AK5: variants seen among roughly 807,000 people sequenced by gnomAD.
AK5 encodes adenylate kinase isoenzyme 5.
A neutral mutation model predicts 69.5 loss-of-function variants in AK5; 27 were observed. The ratio of observed to expected loss-of-function variants is 0.39; its 90% CI spans 0.29 to 0.54. The LOEUF (loss-of-function observed/expected upper bound fraction) is 0.54, where lower values mean the gene tolerates loss of function less well. AK5 is among the 20% of genes least tolerant of loss of function. AK5 has a pLI of 0.71. For synonymous variants in AK5, 260 were observed against 244.4 expected (o/e 1.06, Z -0.60); for missense variants, 531 against 700.4 (o/e 0.76, Z 2.73).
At position 77,402,756 on chromosome 1, in the gene AK5, A is replaced by G. The variant is rs866421089; in HGVS notation, c.892-8225A>G. Among the ~76,000 whole-genome samples the G allele has an allele frequency of 2.5e-3, 375 of 152,020 alleles. 1 individual carries two copies. The Middle Eastern group carries it at 0.034, about 14-fold the overall frequency. On this transcript the variant is annotated intron_variant, in intron 6 of 13. Coordinates refer to ENST00000354567, the MANE Select transcript of AK5 (RefSeq NM_174858.3). ...TTGTGAATAGTGCCGCAATAAACAT[A>G]CGTGTGCATGTGTCTTTATAGCAGC...
At chr1:77,321,852 TG>T (rs1257267012) in intron 5 of AK5, among the ~76,000 whole-genome samples, 6 of 152,190 alleles carry the variant, frequency 3.9e-5, no homozygotes, top group African/African-American at 1.4e-4. Context: ...TTGTCTATAT[TG>T]TTGAAATACA....
chr1:77,472,935 C>T (rs1654611883), intron 8 of AK5, among the ~76,000 whole-genome samples: 1 of 152,056 alleles, frequency 6.6e-6, no homozygotes, highest in South Asian at 2.1e-4. Flanking sequence ...GACTCTGACC[C>T]TCTTGACTCT....
intron 10 of AK5, among the ~76,000 whole-genome samples, chr1:77,514,640 G>A (rs1020067124): frequency 4.6e-5 from 7 of 152,198 alleles, no homozygotes; most frequent in Non-Finnish European, 1.0e-4. Context: ...CTAAAAATTT[G>A]CAGCTGTTGC....
chr1:77,411,499 G>T (rs1014727744), intron 7 of AK5, among the ~76,000 whole-genome samples: 38 of 152,084 alleles, frequency 2.5e-4, no homozygotes, highest in African/African-American at 8.9e-4. Flanking sequence ...GCTCCTGTGT[G>T]ACCCTACCTC....
intron 8 of AK5, among the ~76,000 whole-genome samples, chr1:77,422,943 C>T (rs949576162): frequency 1.2e-4 from 19 of 152,052 alleles, no homozygotes; most frequent in Admixed American, 2.0e-4. Context: ...TGGCTGGGTG[C>T]GGTGGCTCAC....
intron 5 of AK5, among the ~76,000 whole-genome samples, chr1:77,302,584 G>A (rs575099008): frequency 1.3e-5 from 2 of 152,282 alleles, no homozygotes; most frequent in East Asian, 1.9e-4. Context: ...TTCAGGGCTA[G>A]GTGCCCTGTT....
intron 3 of AK5, among the ~76,000 whole-genome samples, chr1:77,294,548 T>C (rs2100656157): frequency 6.6e-6 from 1 of 152,282 alleles, no homozygotes; most frequent in Admixed American, 6.5e-5. Context: ...GAATCTTCTT[T>C]ATGGCAAATT....
At chr1:77,406,401 T>A (rs1418887397) in intron 6 of AK5, among the ~76,000 whole-genome samples, 1 of 151,890 alleles carries the variant, frequency 6.6e-6, no homozygotes, top group East Asian at 1.9e-4. Flanking sequence ...GTCCAAGAAA[T>A]CAAGGTGGCT....
At chr1:77,558,230 A>C (rs953427978) in intron 13 of AK5, among the ~76,000 whole-genome samples, 1 of 152,280 alleles carries the variant, frequency 6.6e-6, no homozygotes, top group East Asian at 1.9e-4. Flanking sequence ...AAGAAGTGCA[A>C]TTGCTAAAAA....
At chr1:77,524,235 C>T (rs1425451840) in intron 12 of AK5, among the ~76,000 whole-genome samples, 1 of 152,154 alleles carries the variant, frequency 6.6e-6, no homozygotes, top group Non-Finnish European at 1.5e-5. Context: ...AATAATGTTG[C>T]CATGACTACA....
intron 8 of AK5, among the ~76,000 whole-genome samples, chr1:77,447,558 A>G (rs1014815860): frequency 1.3e-5 from 2 of 152,224 alleles, no homozygotes; most frequent in African/African-American, 4.8e-5. Flanking sequence ...TTTCTTTTAA[A>G]AAAAACCCTG....
intron 6 of AK5, among the ~76,000 whole-genome samples, chr1:77,404,735 A>G (rs1214907009): frequency 6.6e-6 from 1 of 152,202 alleles, no homozygotes; most frequent in Non-Finnish European, 1.5e-5. Flanking sequence ...GCGCCATCCC[A>G]TGGCTGAGTT....
intron 8 of AK5, among the ~76,000 whole-genome samples, chr1:77,452,970 A>C (rs1653248425): frequency 6.6e-6 from 1 of 152,264 alleles, no homozygotes; most frequent in Admixed American, 6.5e-5. Flanking sequence ...AGCAAAATTA[A>C]ATAGATTGTA....
rs552219838 is a variant in AK5, at chr1:77,312,629, AC to A, written c.699+14683del. On this transcript the variant is annotated intron_variant, in intron 5 of 13. Transcript: ENST00000354567. ...GTCTGTCTAAAAAAAAAAAAAAAAA[AC>A]AAAAAGTCCCTTAAGCAATCTGGTT... Among the ~76,000 whole-genome samples, 894 of 138,568 alleles carry A rather than the reference AC, an allele frequency of 6.5e-3. 14 individuals carry two copies. Among genetic ancestry groups the A allele is most frequent in the African/African-American group, 0.021 (791 of 37,406 alleles). 90.9% of individuals were successfully genotyped at this position (138,568 alleles called of 152,430 possible).
chr1:77,550,993 A>G (rs1484140111), intron 13 of AK5, among the ~76,000 whole-genome samples: 2 of 152,244 alleles, frequency 1.3e-5, no homozygotes, highest in African/African-American at 4.8e-5. Context: ...CCTGGCCAAC[A>G]TGGTGAAACC....
Position 77,409,828 on chromosome 1 carries a change from A to C in AK5, c.892-1153A>C, listed in dbSNP as rs575216952. ...GAAATCTTTGCCCATTCCTGTGTCC[A>C]GGATGGTATTGCCTAGGTTGTCTTC... On this transcript the variant is annotated intron_variant, in intron 6 of 13. Coordinates refer to ENST00000354567, the MANE Select transcript of AK5 (RefSeq NM_174858.3). Among the ~76,000 whole-genome samples, 12 of 152,242 alleles carry C rather than the reference A, an allele frequency of 7.9e-5. No individual in the cohort carries two copies. The East Asian group carries it at 2.3e-3, about 29-fold the overall frequency.
chr1:77,447,675 T>C (rs956388509), intron 8 of AK5, among the ~76,000 whole-genome samples: 3 of 152,252 alleles, frequency 2.0e-5, no homozygotes, highest in African/African-American at 7.2e-5. Context: ...ATGAAATCAT[T>C]TGTGATAACA....
At chr1:77,448,871 G>A (rs72681667) in intron 8 of AK5, among the ~76,000 whole-genome samples, 554 of 152,332 alleles carry the variant, frequency 3.6e-3, no homozygotes, top group Middle Eastern at 6.8e-3. Flanking sequence ...GGTGCTCACA[G>A]TGGAAGCCAC....
At chr1:77,387,193 T>C (rs927064489) in intron 6 of AK5, among the ~76,000 whole-genome samples, 1 of 152,316 alleles carries the variant, frequency 6.6e-6, no homozygotes, top group South Asian at 2.1e-4. Context: ...CTGCTGGTAA[T>C]ATGTGGCTTG....
Sources: allele counts gnomAD v4.1 joint callset (sites outside exome capture counted in the v4.1 genomes callset), GRCh38; gene constraint gnomAD v4.1.1; transcripts MANE v1.5; gene names NCBI Gene and HGNC (gene_info 2026-07-23, HGNC 2026-07-21).